The following FAM174B variants were observed in gnomAD, a reference collection of about 807,000 sequenced individuals.
FAM174B encodes membrane protein FAM174B.
A neutral mutation model predicts 10.9 loss-of-function variants in FAM174B; 12 were observed. The ratio of observed to expected loss-of-function variants is 1.10; its 90% confidence interval spans 0.71 to 1.79. The LOEUF is 1.79. Among genes scored for constraint, FAM174B ranks in the 40% most tolerant of loss-of-function variants. FAM174B has a pLI of 0.00. For missense variants in FAM174B, 266 were observed against 233.3 expected, an observed-to-expected ratio of 1.14 and a Z score of -0.91; for synonymous variants, 132 against 115.8, an observed-to-expected ratio of 1.14 and a Z score of -0.90.
At chr15:92,636,736 C>T (rs914920729) in intron 1 of FAM174B, among the ~76,000 whole-genome samples, 11 of 152,178 alleles carry the variant, frequency 7.2e-5, no homozygotes, top group African/African-American at 2.7e-4. Context: ...CAGCTGAGAC[C>T]TCCCCAACAG....
chr15:92,652,719 A>G (rs2050974903), intron 1 of FAM174B, among the ~76,000 whole-genome samples: 1 of 152,154 alleles, frequency 6.6e-6, no homozygotes, highest in Admixed American at 6.6e-5. Context: ...TCACTGGGGA[A>G]GGTGGTGTGG....
At chr15:92,638,999 C>T (rs889589116) in intron 1 of FAM174B, among the ~76,000 whole-genome samples, 13 of 152,210 alleles carry the variant, frequency 8.5e-5, no homozygotes, top group African/African-American at 3.1e-4. Context: ...CACAGCCTCC[C>T]GCCAGTGAGG....
Position 92,639,908 on chromosome 15 carries a change from C to T in FAM174B, c.345-9563G>A, listed in dbSNP as rs190373144. Among the ~76,000 whole-genome samples the T allele has an allele frequency of 2.8e-4, 43 of 152,272 alleles. No homozygotes were observed. In the East Asian group the frequency reaches 3.3e-3, roughly 12 times the overall value. On this transcript the variant is annotated intron_variant, in intron 1 of 2. Coordinates refer to ENST00000327355, the MANE Select transcript of FAM174B (RefSeq NM_207446.3). ...GCTGAACCATTAGCCAATACCCAGT[C>T]TCAGGTATTTCTTTATAGCAGTGCA...
intron 1 of FAM174B, among the ~76,000 whole-genome samples, chr15:92,643,161 G>T (rs1596301688): frequency 6.8e-6 from 1 of 147,646 alleles, no homozygotes; most frequent in African/African-American, 2.5e-5. Context: ...GAGAGGTGGG[G>T]TCTGGCTATG....
At chr15:92,631,688 C>T (rs1220191719) in intron 1 of FAM174B, among the ~76,000 whole-genome samples, 7 of 149,444 alleles carry the variant, frequency 4.7e-5, no homozygotes, top group African/African-American at 1.7e-4. Context: ...TTTGTAGAGA[C>T]AGATTTCGCC....
chr15:92,622,356 C>A (rs1442935400), intron 2 of FAM174B, among the ~76,000 whole-genome samples: 1 of 152,254 alleles, frequency 6.6e-6, no homozygotes, highest in East Asian at 1.9e-4. Context: ...CCAGGTCAGG[C>A]CTGGACACCA....
chr15:92,626,040 C>T (rs941456891), intron 2 of FAM174B, among the ~76,000 whole-genome samples: 1 of 151,702 alleles, frequency 6.6e-6, no homozygotes, highest in African/African-American at 2.4e-5. Context: ...TCCCAGATGA[C>T]GTATCTACAC....
Position 92,655,548 on chromosome 15 carries a change from C to G in FAM174B, c.112G>C (p.Glu38Gln), listed in dbSNP as rs1416273496. ...GGTGGCCGCGACTCGCGCTCGGGTT[C>G]GGGCCACGGCGCGGAGACGGACTCG... ...RAESVSAPWP[E>Q]PERESRPPPG... is the part of the protein sequence containing the mutation. The change falls in exon 1 of 3, where the codon GAA (glutamate) becomes CAA (glutamine). Residue 38 changes from glutamate (E) to glutamine (Q), a missense_variant. Physicochemically the swap from Glu to Gln is conservative, Grantham distance 29 (BLOSUM62 2). Coordinates refer to ENST00000327355, the MANE Select transcript of FAM174B (RefSeq NM_207446.3). The G allele has an allele frequency of 5.6e-6, 8 of 1,416,838 alleles. No individual in the cohort carries two copies. The highest frequency in any genetic ancestry group is 7.4e-6 in the Non-Finnish European group (8 of 1,087,588). 87.8% of individuals were successfully genotyped at this position (1,416,838 alleles called of 1,614,324 possible).
At chr15:92,637,163 A>G (rs2050861380) in intron 1 of FAM174B, among the ~76,000 whole-genome samples, 1 of 152,212 alleles carries the variant, frequency 6.6e-6, no homozygotes, top group Non-Finnish European at 1.5e-5. Flanking sequence ...TGGCAATGGC[A>G]GAGGAGCAGG....
chr15:92,622,121 T>C (rs1267425692), intron 2 of FAM174B, among the ~76,000 whole-genome samples: 3 of 152,208 alleles, frequency 2.0e-5, no homozygotes, highest in African/African-American at 7.2e-5. Flanking sequence ...GCTGCCATGC[T>C]GAAATTCACC....
intron 2 of FAM174B, 146 bp from the exon 3 acceptor site, chr15:92,619,605 T>A: frequency 1.1e-6 from 1 of 871,222 alleles, no homozygotes; most frequent in Non-Finnish European, 1.8e-6. Flanking sequence ...GCGTGCTGTC[T>A]GGAAGGCGCA....
chr15:92,647,291 C>G (rs911821639), intron 1 of FAM174B, among the ~76,000 whole-genome samples: 3 of 152,198 alleles, frequency 2.0e-5, no homozygotes, highest in African/African-American at 7.2e-5. Context: ...AATCGTCCTC[C>G]TCCTCCACCA....
chr15:92,619,590 T>G, intron 2 of FAM174B, 131 bp from the exon 3 acceptor site: 1 of 1,034,828 alleles, frequency 9.7e-7, no homozygotes, highest in East Asian at 2.5e-5. Flanking sequence ...CCACAGGACC[T>G]TTGAGCGTGC....
intron 1 of FAM174B, among the ~76,000 whole-genome samples, chr15:92,634,133 T>C (rs1347809176): frequency 6.6e-6 from 1 of 152,186 alleles, no homozygotes; most frequent in Non-Finnish European, 1.5e-5. Context: ...TAAACAAGCA[T>C]CTGGAACGGG....
chr15:92,655,232 A>G (rs1429436594), intron 1 of FAM174B, 84 bp downstream of exon 1: 5 of 1,448,162 alleles, frequency 3.5e-6, no homozygotes, highest in Non-Finnish European at 4.5e-6. Flanking sequence ...CTGTGCGTGC[A>G]GGTGGGGCGG....
At chr15:92,638,434 G>T (rs575231810) in intron 1 of FAM174B, among the ~76,000 whole-genome samples, 1 of 152,326 alleles carries the variant, frequency 6.6e-6, no homozygotes, top group East Asian at 1.9e-4. Context: ...CAAGGAGGCC[G>T]AGGGAGGACA....
intron 1 of FAM174B, among the ~76,000 whole-genome samples, chr15:92,645,793 TGTC>T (rs1449024884): frequency 6.6e-6 from 1 of 152,090 alleles, no homozygotes; most frequent in African/African-American, 2.4e-5. Context: ...TTGGGGCACA[TGTC>T]GTAAGGGGCC....
chr15:92,631,382 T>TATATTATATATA (rs2050812483), intron 1 of FAM174B, among the ~76,000 whole-genome samples: 10 of 22,840 alleles, frequency 4.4e-4, no homozygotes, highest in African/African-American at 2.6e-3. Context: ...TATAATATAT[T>TATATTATATATA]ATATATTATA....
intron 2 of FAM174B, chr15:92,627,072 A>T (rs1030914207): frequency 3.9e-5 from 6 of 152,154 alleles, no homozygotes; most frequent in Admixed American, 6.6e-5. Context: ...AAAAAACAAA[A>T]AAAAAACCAC....
Sources: gnomAD v4.1 joint callset for allele counts (sites outside exome capture counted in the v4.1 genomes callset) on GRCh38, gnomAD v4.1.1 for gene constraint, MANE v1.5 for transcripts, NCBI Gene and HGNC (gene_info 2026-07-23, HGNC 2026-07-21) for gene names.